Variants in NXPE2 observed in about 807,000 individuals in gnomAD.
NXPE2 encodes the protein neurexophilin and PC-esterase domain family member 2, also known as NXPE family member 2.
In NXPE2, 34 loss-of-function variants were observed where a neutral mutation model predicts 34.4. That is an observed-to-expected ratio of 0.99 (90% CI 0.75 to 1.31). The LOEUF (loss-of-function observed/expected upper bound fraction) is 1.31, where lower values mean the gene tolerates loss of function less well. NXPE2 is among the 40% of genes most tolerant of loss of function. NXPE2 has a pLI of 0.00. For synonymous variants in NXPE2, 235 were observed against 231.3 expected (o/e 1.02, Z -0.15); for missense variants, 649 against 672.5 (o/e 0.97, Z 0.39).
chr11:114,610,926 G>A, the NXPE2 span, among the ~76,000 whole-genome samples: 2 of 151,774 alleles, frequency 1.3e-5, no homozygotes, highest in Non-Finnish European at 2.9e-5. Flanking sequence ...AATAAGTATT[G>A]CCTCGTGGGT....
the NXPE2 span, among the ~76,000 whole-genome samples, chr11:114,472,093 G>A: frequency 1.3e-5 from 2 of 152,100 alleles, no homozygotes; most frequent in Non-Finnish European, 2.9e-5. Context: ...ACAACATTTG[G>A]CCTCTAGCCC....
the NXPE2 span, among the ~76,000 whole-genome samples, chr11:114,789,527 A>G: frequency 6.6e-6 from 1 of 152,234 alleles, no homozygotes. Flanking sequence ...GCACTTTATA[A>G]ACATCATCTC....
the NXPE2 span, among the ~76,000 whole-genome samples, chr11:114,475,246 TTTTTTTTTTTTTTTTGA>T: frequency 1.2e-5 from 1 of 83,342 alleles, no homozygotes; most frequent in East Asian, 3.2e-4. Flanking sequence ...TTTTTTTTTT[TTTTTTTTTTTTTTTTGA>T]GATGGAGTCT....
At chr11:114,638,266 G>A in the NXPE2 span, among the ~76,000 whole-genome samples, 1 of 151,872 alleles carries the variant, frequency 6.6e-6, no homozygotes, top group African/African-American at 2.4e-5. Context: ...CAGCTCCTGA[G>A]GCTTCTGCAT....
At chr11:114,758,367 A>C in the NXPE2 span, among the ~76,000 whole-genome samples, 1 of 152,350 alleles carries the variant, frequency 6.6e-6, no homozygotes, top group East Asian at 1.9e-4. Context: ...GCTTCTCTTC[A>C]AATGTTCATT....
At chr11:114,556,552 G>A in the NXPE2 span, among the ~76,000 whole-genome samples, 1 of 151,898 alleles carries the variant, frequency 6.6e-6, no homozygotes. Context: ...GCTTTGCACA[G>A]TACACACTGA....
chr11:114,636,304 G>A, the NXPE2 span, among the ~76,000 whole-genome samples: 7 of 152,110 alleles, frequency 4.6e-5, 1 homozygote, highest in South Asian at 1.0e-3. Context: ...GAGATCGGTG[G>A]TGATATCCCC....
chr11:114,739,944 C>G, the NXPE2 span, among the ~76,000 whole-genome samples: 1 of 152,082 alleles, frequency 6.6e-6, no homozygotes, highest in African/African-American at 2.4e-5. Context: ...GAATAATATT[C>G]CATTATATAT....
the NXPE2 span, among the ~76,000 whole-genome samples, chr11:114,632,023 T>C: frequency 1.4e-5 from 2 of 147,090 alleles, no homozygotes; most frequent in African/African-American, 2.5e-5. Flanking sequence ...TAGATAATAA[T>C]TATACTTTAT....
chr11:114,713,773 T>C, the NXPE2 span, among the ~76,000 whole-genome samples: 4 of 152,088 alleles, frequency 2.6e-5, no homozygotes, highest in Non-Finnish European at 4.4e-5. Flanking sequence ...AGCAGGTGAG[T>C]TGGCATTCAA....
chr11:114,627,967 T>C, the NXPE2 span, among the ~76,000 whole-genome samples: 3 of 151,680 alleles, frequency 2.0e-5, no homozygotes, highest in Admixed American at 1.3e-4. Flanking sequence ...CAAGAAGAGC[T>C]AACTATCCTA....
At chr11:114,688,933 G>T (rs1951097216) in intron 2 of NXPE2, among the ~76,000 whole-genome samples, 1 of 152,000 alleles carries the variant, frequency 6.6e-6, no homozygotes, top group Admixed American at 6.6e-5. Context: ...GGGATTGATT[G>T]TGATGTCAAC....
chr11:114,737,513 T>C, the NXPE2 span, among the ~76,000 whole-genome samples: 1 of 152,328 alleles, frequency 6.6e-6, no homozygotes, highest in South Asian at 2.1e-4. Flanking sequence ...GTACTTACAG[T>C]GTGCCAGTCA....
the NXPE2 span, among the ~76,000 whole-genome samples, chr11:114,616,905 G>A: frequency 1.4e-5 from 2 of 146,574 alleles, no homozygotes; most frequent in East Asian, 3.9e-4. Flanking sequence ...TTGTCTCGTG[G>A]GTAACCACTG....
At chr11:114,478,461 G>A in the NXPE2 span, among the ~76,000 whole-genome samples, 4 of 152,124 alleles carry the variant, frequency 2.6e-5, no homozygotes, top group Non-Finnish European at 4.4e-5. Flanking sequence ...CAGGATAAGG[G>A]AGAGGAGGTG....
chr11:114,627,412 C>T, the NXPE2 span, among the ~76,000 whole-genome samples: 2 of 151,488 alleles, frequency 1.3e-5, no homozygotes, highest in Admixed American at 1.3e-4. Flanking sequence ...TCATATCCAG[C>T]CAAACTAAGC....
chr11:114,538,289 T>G, the NXPE2 span, among the ~76,000 whole-genome samples: 9 of 152,264 alleles, frequency 5.9e-5, no homozygotes, highest in African/African-American at 1.9e-4. Context: ...CAAGATGGAT[T>G]AAAGACTTAC....
chr11:114,474,851 C>T, the NXPE2 span, among the ~76,000 whole-genome samples: 2 of 152,026 alleles, frequency 1.3e-5, no homozygotes, highest in Non-Finnish European at 2.9e-5. Flanking sequence ...TAGCAAGGAC[C>T]ATGCAAGCGA....
the NXPE2 span, among the ~76,000 whole-genome samples, chr11:114,604,310 A>C: frequency 6.6e-6 from 1 of 152,050 alleles, no homozygotes; most frequent in South Asian, 2.1e-4. Context: ...AACAATTCTT[A>C]CCCTGTGGAA....
Sources: gnomAD v4.1 joint callset for allele counts (sites outside exome capture counted in the v4.1 genomes callset) on GRCh38, gnomAD v4.1.1 for gene constraint, MANE v1.5 for transcripts, NCBI Gene and HGNC (gene_info 2026-07-23, HGNC 2026-07-21) for gene names.